KCNJ4: variants seen among roughly 807,000 people sequenced by gnomAD.
KCNJ4 encodes inward rectifier potassium channel 4.
Under a neutral mutation model 25.6 loss-of-function variants are expected in KCNJ4, and 3 were observed. The observed-to-expected ratio is 0.12, with a 90% CI of 0.05 to 0.30. The LOEUF (loss-of-function observed/expected upper bound fraction) is 0.30. Ranked by LOEUF, KCNJ4 falls within the 10% of genes least tolerant of loss-of-function variation. KCNJ4 has a pLI of 1.00. For synonymous variants in KCNJ4, 257 were observed against 283.9 expected (o/e 0.91, Z 0.95); for missense variants, 286 against 666.8 (o/e 0.43, Z 6.29).
chr22:38,450,208 A>G (rs1467903968), intron 1 of KCNJ4, among the ~76,000 whole-genome samples: 1 of 152,212 alleles, frequency 6.6e-6, no homozygotes, highest in Non-Finnish European at 1.5e-5. Flanking sequence ...GAGTCCGCAG[A>G]GGAGGCTTAA....
chr22:38,436,041 C>T (rs978849808), intron 1 of KCNJ4, among the ~76,000 whole-genome samples: 27 of 152,192 alleles, frequency 1.8e-4, no homozygotes, highest in Admixed American at 1.8e-3. Flanking sequence ...TCAGGAACCC[C>T]CCGCCTGGTG....
chr22:38,455,077 G>T lies in KCNJ4; in HGVS notation c.-137C>A, dbSNP rs1384056053. On this transcript the variant is annotated 5_prime_UTR_variant, in exon 1 of 2. Coordinates refer to ENST00000303592, the MANE Select transcript of KCNJ4 (RefSeq NM_152868.3). Reference sequence around the variant, plus strand: ...GGCGGCGTCCCGGGCGCGGAAAGGGGAGTCCCGGCGCCCCCTGCCCGCGAA... The same window carrying T: ...GGCGGCGTCCCGGGCGCGGAAAGGGTAGTCCCGGCGCCCCCTGCCCGCGAA... The T allele has an allele frequency of 6.6e-6, 1 of 150,482 alleles. No homozygotes were observed. The highest frequency in any genetic ancestry group is 6.6e-5 in the Admixed American group (1 of 15,110). 9.3% of individuals were successfully genotyped at this position (150,482 alleles called of 1,614,324 possible). A position where few individuals can be genotyped will look rare whatever the true frequency, so the allele number is the denominator to read the frequency against.
intron 1 of KCNJ4, among the ~76,000 whole-genome samples, chr22:38,454,136 A>C (rs1448347555): frequency 6.6e-6 from 1 of 151,924 alleles, no homozygotes; most frequent in African/African-American, 2.4e-5. Flanking sequence ...ACTTCCCCCA[A>C]ACCTGCTGCT....
Position 38,426,712 on chromosome 22 carries a change from G to T in KCNJ4, c.*83C>A. 6.6e-7 allele frequency: 1 copy of T among 1,506,784 alleles called. No homozygotes were observed. Among genetic ancestry groups the T allele is most frequent in the Non-Finnish European group, 9.0e-7 (1 of 1,115,392 alleles). The allele number at this position is 1,506,784 out of a possible 1,614,324, so 93.3% of individuals were successfully genotyped here. On this transcript the variant is annotated 3_prime_UTR_variant, in exon 2 of 2. Coordinates refer to ENST00000303592, the MANE Select transcript of KCNJ4 (RefSeq NM_152868.3). ...GGTCCACGGAGCCAGGGTTGGCTCT[G>T]TCCTGAGTGTGGGAGGGGGTGTCCT...
chr22:38,435,299 G>A (rs923266227), intron 1 of KCNJ4, among the ~76,000 whole-genome samples: 2 of 152,224 alleles, frequency 1.3e-5, no homozygotes, highest in African/African-American at 4.8e-5. Context: ...CCTACCAGAG[G>A]GAGCCAGCAC....
rs935994516 is a variant in KCNJ4 at position 38,443,877 on chromosome 22, C to T, written c.-40+11103G>A. Among the ~76,000 whole-genome samples the T allele has an allele frequency of 5.3e-5, 8 of 152,268 alleles. No individual in the cohort carries two copies. The highest frequency in any genetic ancestry group is 3.9e-4 in the East Asian group (2 of 5,186). On this transcript the variant is annotated intron_variant, in intron 1 of 1. Transcript: ENST00000303592. This position sits in a 1 kb window ranked among gnomAD's most constrained non-coding sequence, Gnocchi z 4.1. Reference sequence around the variant, plus strand: ...GTCTCCCCAGGGCACTCGGGATGAACGCCCCGCCTCAGAGAGGTCCTGCCC... The same window carrying T: ...GTCTCCCCAGGGCACTCGGGATGAATGCCCCGCCTCAGAGAGGTCCTGCCC...
chr22:38,445,915 A>G lies in KCNJ4; in HGVS notation c.-40+9065T>C, dbSNP rs550575613. 2.0e-5 allele frequency among the ~76,000 whole-genome samples: 3 copies of G among 152,222 alleles called. No homozygotes were observed. The South Asian group carries it at 6.2e-4, about 32-fold the overall frequency. On this transcript the variant is annotated intron_variant, in intron 1 of 1. Transcript: ENST00000303592. Reference sequence around the variant, plus strand: ...ACTCCGGGCTTTGTGACACACAACCATGTGGGGAATTGTTGGATGTTATGG... The same window carrying G: ...ACTCCGGGCTTTGTGACACACAACCGTGTGGGGAATTGTTGGATGTTATGG...
At chr22:38,436,567 G>A (rs902120930) in intron 1 of KCNJ4, among the ~76,000 whole-genome samples, 9 of 152,192 alleles carry the variant, frequency 5.9e-5, no homozygotes, top group Admixed American at 5.2e-4. Flanking sequence ...ATGCCACATG[G>A]TGGGGGCTCA....
intron 1 of KCNJ4, among the ~76,000 whole-genome samples, chr22:38,448,664 C>T (rs2089392259): frequency 6.6e-6 from 1 of 152,214 alleles, no homozygotes; most frequent in African/African-American, 2.4e-5. Flanking sequence ...CATCAGGACA[C>T]AGAGGAGTCA....
At chr22:38,431,419 C>T (rs1281529633) in intron 1 of KCNJ4, among the ~76,000 whole-genome samples, 2 of 152,220 alleles carry the variant, frequency 1.3e-5, no homozygotes, top group African/African-American at 4.8e-5. Context: ...CACTCACTCC[C>T]CAGGCCCACC....
At chr22:38,451,876 C>T (rs1474419011) in intron 1 of KCNJ4, among the ~76,000 whole-genome samples, 2 of 152,222 alleles carry the variant, frequency 1.3e-5, no homozygotes, top group Non-Finnish European at 2.9e-5. Flanking sequence ...AGGCATCAGA[C>T]CAGTGATTTA....
intron 1 of KCNJ4, among the ~76,000 whole-genome samples, chr22:38,430,452 G>A (rs990475865): frequency 2.6e-5 from 4 of 152,192 alleles, no homozygotes; most frequent in African/African-American, 7.2e-5. Flanking sequence ...GCAGTGAGCC[G>A]AGATCGTGCC....
rs370344876 is a variant in KCNJ4, at chr22:38,427,086, C to G, written c.1047G>C (p.Ser349=). The G allele has an allele frequency of 3.1e-6, 5 of 1,612,716 alleles. No homozygotes were observed. Among genetic ancestry groups the G allele is most frequent in the South Asian group, 1.1e-5 (1 of 91,088 alleles). The change falls in exon 2 of 2, where the codon TCG becomes TCC. Residue 349 remains serine (S), a synonymous_variant. Transcript: ENST00000303592. ...TCTTACTCTCCTGCAGCTCCCGGGC[C>G]GAGCAGCAGGGCGTGCCGGCCACCT... ...TYEVAGTPCC[S]ARELQESKIT...
At chr22:38,446,964 A>T (rs1434624184) in intron 1 of KCNJ4, among the ~76,000 whole-genome samples, 3 of 151,900 alleles carry the variant, frequency 2.0e-5, no homozygotes, top group Non-Finnish European at 4.4e-5. Flanking sequence ...CAAAAAAAAA[A>T]AAAAAAGAAA....
chr22:38,436,893 C>T (rs909334636), intron 1 of KCNJ4, among the ~76,000 whole-genome samples: 9 of 152,212 alleles, frequency 5.9e-5, no homozygotes, highest in Non-Finnish European at 1.3e-4. Flanking sequence ...AGCACGCTAA[C>T]AAGGCATGCT....
chr22:38,432,848 G>A (rs1312796081), intron 1 of KCNJ4, among the ~76,000 whole-genome samples: 1 of 152,074 alleles, frequency 6.6e-6, no homozygotes, highest in African/African-American at 2.4e-5. Flanking sequence ...GTGCACGCCT[G>A]TAATCCCAGC....
At chr22:38,435,711 G>T (rs948250557) in intron 1 of KCNJ4, among the ~76,000 whole-genome samples, 6 of 149,522 alleles carry the variant, frequency 4.0e-5, no homozygotes, top group African/African-American at 4.9e-5. Flanking sequence ...AAAAAAAAAA[G>T]AAATAGACAG....
rs369024080 is a variant in KCNJ4 at position 38,429,377 on chromosome 22, A to G, written c.-39-1206T>C. 1.4e-3 allele frequency among the ~76,000 whole-genome samples: 217 copies of G among 152,346 alleles called. 6 individuals carry two copies. The South Asian group carries it at 0.044, about 31-fold the overall frequency. On this transcript the variant is annotated intron_variant, in intron 1 of 1. Transcript: ENST00000303592. ...GCCACCTGCCAGCCACAAAGCTGGC[A>G]GTGGATACAAACTTGCGTGGCACCA...
At chr22:38,428,193 G>C in intron 1 of KCNJ4, 22 bp from the exon 2 acceptor site, 1 of 1,547,336 alleles carries the variant, frequency 6.5e-7, no homozygotes, top group African/African-American at 1.4e-5. Context: ...AAGCCGGACA[G>C]GTGAGATGCT....
Sources: allele counts gnomAD v4.1 joint callset (sites outside exome capture counted in the v4.1 genomes callset), GRCh38; gene constraint gnomAD v4.1.1; non-coding constraint Gnocchi (gnomAD v3.1); transcripts MANE v1.5; gene names NCBI Gene and HGNC (gene_info 2026-07-23, HGNC 2026-07-21).